RSRC1: variants seen among roughly 807,000 people sequenced by gnomAD.
RSRC1 encodes serine/Arginine-related protein 53.
Under a neutral mutation model 49.1 loss-of-function variants are expected in RSRC1, and 39 were observed. That is an observed-to-expected ratio of 0.79 (90% CI 0.61 to 1.04). The LOEUF (loss-of-function observed/expected upper bound fraction) is 1.04, where lower values mean the gene tolerates loss of function less well. RSRC1 is among the 50% of genes least tolerant of loss of function. RSRC1 has a pLI of 0.00. For missense variants in RSRC1, 388 were observed against 402.4 expected, an observed-to-expected ratio of 0.96 and a Z score of 0.31; for synonymous variants, 143 against 130.8, an observed-to-expected ratio of 1.09 and a Z score of -0.63.
At chr3:158,314,865 C>T (rs2108151738) in intron 5 of RSRC1, among the ~76,000 whole-genome samples, 1 of 152,188 alleles carries the variant, frequency 6.6e-6, no homozygotes, top group East Asian at 1.9e-4. Flanking sequence ...AACCCCGTCT[C>T]TACTAAAAAT....
chr3:158,299,523 A>G (rs1182003484), intron 5 of RSRC1, among the ~76,000 whole-genome samples: 1 of 151,844 alleles, frequency 6.6e-6, no homozygotes, highest in Non-Finnish European at 1.5e-5. Context: ...TTTAGTAGAG[A>G]TGGGGTTTCA....
intron 3 of RSRC1, among the ~76,000 whole-genome samples, chr3:158,166,484 A>T (rs976518120): frequency 5.3e-5 from 8 of 152,178 alleles, no homozygotes; most frequent in African/African-American, 1.9e-4. Context: ...AATAACGGTC[A>T]ATTATGCCCT....
At chr3:158,515,993 C>T (rs1032798811) in intron 7 of RSRC1, among the ~76,000 whole-genome samples, 3 of 151,842 alleles carry the variant, frequency 2.0e-5, no homozygotes, top group South Asian at 2.1e-4. Context: ...TCTAGTTATA[C>T]ATTCTTCTAA....
At chr3:158,149,201 T>C (rs919749693) in intron 3 of RSRC1, among the ~76,000 whole-genome samples, 57 of 152,366 alleles carry the variant, frequency 3.7e-4, no homozygotes, top group African/African-American at 1.3e-3. Flanking sequence ...CTTAAGTGTT[T>C]ATAGTTGAGC....
chr3:158,472,783 T>A (rs1199077398), intron 7 of RSRC1, among the ~76,000 whole-genome samples: 1 of 152,206 alleles, frequency 6.6e-6, no homozygotes. Flanking sequence ...TTTCTCCCAT[T>A]CTGTAGGTTG....
chr3:158,439,533 A>G (rs1007876878), intron 6 of RSRC1, among the ~76,000 whole-genome samples: 103 of 152,300 alleles, frequency 6.8e-4, no homozygotes, highest in Non-Finnish European at 1.0e-3. Context: ...ATGAAGCTGG[A>G]AACCATCATT....
chr3:158,483,545 G>A (rs1323683613), intron 7 of RSRC1, among the ~76,000 whole-genome samples: 3 of 152,162 alleles, frequency 2.0e-5, no homozygotes, highest in Non-Finnish European at 4.4e-5. Flanking sequence ...TATTTAATGT[G>A]TGACAGTCTG....
At chr3:158,167,768 AGAAG>A (rs1174869209) in intron 3 of RSRC1, among the ~76,000 whole-genome samples, 1 of 152,210 alleles carries the variant, frequency 6.6e-6, no homozygotes, top group African/African-American at 2.4e-5. Flanking sequence ...AGTTATAACT[AGAAG>A]GAAAATGTTA....
chr3:158,181,503 A>G (rs1719621929), intron 3 of RSRC1, among the ~76,000 whole-genome samples: 1 of 152,194 alleles, frequency 6.6e-6, no homozygotes, highest in Admixed American at 6.5e-5. Context: ...AATTCAGAAT[A>G]TGTGTATGCT....
In RSRC1 at chr3:158,492,836, C is replaced by G. The variant is rs140606751; in HGVS notation, c.652+31833C>G. Among the ~76,000 whole-genome samples the G allele has an allele frequency of 2.6e-5, 4 of 152,018 alleles. 1 individual carries two copies. Among genetic ancestry groups the G allele is most frequent in the African/African-American group, 9.7e-5 (4 of 41,360 alleles). ...TATTTTCTTTTATCTCCTTTCTATC[C>G]CCACCCTGCTCCCACTCCTCCCCCG... On this transcript the variant is annotated intron_variant, in intron 7 of 9. Transcript: ENST00000611884.
chr3:158,493,808 GTT>G (rs898692593), intron 7 of RSRC1, among the ~76,000 whole-genome samples: 7 of 152,246 alleles, frequency 4.6e-5, no homozygotes, highest in Admixed American at 4.6e-4. Context: ...GACTCAGCTG[GTT>G]GTCACATAAG....
At position 158,518,148 on chromosome 3, in the gene RSRC1, A is replaced by ATTT. The variant is rs72132266; in HGVS notation, c.653-18926_653-18924dup. ...TGTGTATATATATATATATATATAT[A>ATTT]TTTTTTTTTTTTTTTTTTTTACTCC... On this transcript the variant is annotated intron_variant, in intron 7 of 9. Transcript: ENST00000611884. Among the ~76,000 whole-genome samples the ATTT allele has an allele frequency of 2.0e-3, 88 of 44,138 alleles. 4 individuals carry two copies. The highest frequency in any genetic ancestry group is 9.3e-3 in the South Asian group (9 of 968). 29.0% of individuals were successfully genotyped at this position (44,138 alleles called of 152,430 possible).
intron 4 of RSRC1, among the ~76,000 whole-genome samples, chr3:158,222,872 TA>T (rs1312970914): frequency 6.6e-6 from 1 of 151,518 alleles, no homozygotes. Context: ...ACCAGCATCT[TA>T]AAAACAAAGC....
chr3:158,141,313 G>A (rs1716737880), intron 3 of RSRC1, among the ~76,000 whole-genome samples: 1 of 152,136 alleles, frequency 6.6e-6, no homozygotes, highest in Admixed American at 6.5e-5. Context: ...GTCACATCAG[G>A]TATAGTGTGA....
chr3:158,418,312 T>C (rs1045019602), intron 6 of RSRC1, among the ~76,000 whole-genome samples: 1 of 152,002 alleles, frequency 6.6e-6, no homozygotes, highest in Admixed American at 6.6e-5. Context: ...TCCAAAGAGA[T>C]AGCACTCTCA....
At chr3:158,325,075 G>A (rs1457513134) in intron 5 of RSRC1, among the ~76,000 whole-genome samples, 3 of 152,046 alleles carry the variant, frequency 2.0e-5, no homozygotes, top group African/African-American at 4.8e-5. Context: ...TTGTTGATGG[G>A]GTTGTTTTTT....
chr3:158,306,907 A>G (rs1176091740), intron 5 of RSRC1, among the ~76,000 whole-genome samples: 1 of 151,806 alleles, frequency 6.6e-6, no homozygotes, highest in Non-Finnish European at 1.5e-5. Flanking sequence ...GCTCTTGCAA[A>G]TGTTGTGCGT....
chr3:158,510,691 C>A lies in RSRC1; in HGVS notation c.653-26401C>A, dbSNP rs187699692. 3.9e-5 allele frequency among the ~76,000 whole-genome samples: 6 copies of A among 152,168 alleles called. No individual in the cohort carries two copies. The East Asian group carries it at 5.8e-4, about 15-fold the overall frequency. On this transcript the variant is annotated intron_variant, in intron 7 of 9. Coordinates refer to ENST00000611884, the MANE Select transcript of RSRC1 (RefSeq NM_001271838.2). The stretch of plus-strand genomic sequence containing the variant: ...ACTTTTTAAGCTATTTTTAAATGTA[C>A]AATTAAGTTATTGACTATAGTTAGC...
intron 3 of RSRC1, among the ~76,000 whole-genome samples, chr3:158,175,967 G>T (rs1719187289): frequency 1.3e-5 from 2 of 151,910 alleles, no homozygotes; most frequent in South Asian, 4.2e-4. Flanking sequence ...CCATGGTTCT[G>T]AGCTTGATCA....
Sources: gnomAD v4.1 joint callset for allele counts (sites outside exome capture counted in the v4.1 genomes callset) on GRCh38, gnomAD v4.1.1 for gene constraint, MANE v1.5 for transcripts, NCBI Gene and HGNC (gene_info 2026-07-23, HGNC 2026-07-21) for gene names.